Variants in CAMSAP1 observed in about 807,000 individuals in gnomAD.
CAMSAP1 encodes the protein calmodulin regulated spectrin associated protein 1.
CAMSAP1 carries 58 observed loss-of-function variants against 143.5 expected under a neutral mutation model. The observed-to-expected ratio is 0.40, with a 90% CI of 0.33 to 0.50. CAMSAP1 has a LOEUF of 0.50. CAMSAP1 is among the 20% of genes least tolerant of loss of function. The pLI, the probability that CAMSAP1 is intolerant of heterozygous loss-of-function variation, is 0.45. For synonymous variants in CAMSAP1, 945 were observed against 859.3 expected, an observed-to-expected ratio of 1.10 and a Z score of -1.74; for missense variants, 1,969 against 2,115.7, an observed-to-expected ratio of 0.93 and a Z score of 1.36.
chr9:135,821,496 G>C lies in CAMSAP1; in HGVS notation c.3165C>G (p.Val1055=). 6.2e-7 allele frequency: 1 copy of C among 1,614,056 alleles called. No homozygotes were observed. Among genetic ancestry groups the C allele is most frequent in the Non-Finnish European group, 8.5e-7 (1 of 1,179,892 alleles). ...AGTTATTCTTAGAGCCTGGCACTGG[G>C]ACTGTGGGGGACTTCATCAGAAGCT... ...QEQLLMKSPT[V]PVPGSKNNSQ... The change falls in exon 11 of 17, where the codon GTC becomes GTG. Residue 1055 remains valine (V), a synonymous_variant. Coordinates refer to ENST00000389532, the MANE Select transcript of CAMSAP1 (RefSeq NM_015447.4). The surrounding 1 kb of genome is among the most constrained non-coding windows in gnomAD (Gnocchi z 4.6).
At position 135,822,776 on chromosome 9, in the gene CAMSAP1, T is replaced by G; in HGVS notation, c.1885A>C (p.Ser629Arg). 1 of 1,613,838 alleles carries G rather than the reference T, an allele frequency of 6.2e-7. No individual in the cohort carries two copies. Among genetic ancestry groups the G allele is most frequent in the Middle Eastern group, 1.6e-4 (1 of 6,062 alleles). Residue 629 changes from serine to arginine, a missense_variant, in exon 11 of 17, where the codon AGC (serine) becomes CGC (arginine). Coordinates refer to ENST00000389532, the MANE Select transcript of CAMSAP1 (RefSeq NM_015447.4). The surrounding 1 kb of genome is among the most constrained non-coding windows in gnomAD (Gnocchi z 6.1). ...RPRSIVSRRPSEGPQPLVRRK... is the reference protein window; with the variant it reads ...RPRSIVSRRPREGPQPLVRRK... ...CGTACCAAAGGCTGGGGGCCCTCGC[T>G]GGGCCTCCTAGACACGATGCTCCTC...
chr9:135,830,708 A>G (rs963364256), intron 7 of CAMSAP1, among the ~76,000 whole-genome samples: 6 of 152,234 alleles, frequency 3.9e-5, no homozygotes, highest in African/African-American at 1.4e-4. Context: ...ACAGAGACAT[A>G]TACACACTTT....
intron 14 of CAMSAP1, 44 bp from the exon 15 acceptor site, chr9:135,816,049 C>T: frequency 1.9e-6 from 3 of 1,572,374 alleles, no homozygotes; most frequent in South Asian, 2.2e-5. Context: ...GAAGCGCTGG[C>T]TTCCTCTCAC....
At chr9:135,851,755 G>A (rs1045157977) in intron 5 of CAMSAP1, among the ~76,000 whole-genome samples, 4 of 152,200 alleles carry the variant, frequency 2.6e-5, no homozygotes, top group African/African-American at 4.8e-5. Context: ...ATGTTGATAC[G>A]GAGAGATTTC....
intron 7 of CAMSAP1, among the ~76,000 whole-genome samples, chr9:135,843,365 A>T (rs536007298): frequency 6.6e-6 from 1 of 152,318 alleles, no homozygotes; most frequent in African/African-American, 2.4e-5. Context: ...CAAATTGGAT[A>T]AAGAGTCAAG....
chr9:135,820,111 C>T lies in CAMSAP1; in HGVS notation c.3822+728G>A, dbSNP rs1835391099. Among the ~76,000 whole-genome samples, 5 of 152,166 alleles carry T rather than the reference C, an allele frequency of 3.3e-5. No individual in the cohort carries two copies. The South Asian group carries it at 1.0e-3, about 32-fold the overall frequency. On this transcript the variant is annotated intron_variant, in intron 11 of 16. Coordinates refer to ENST00000389532, the MANE Select transcript of CAMSAP1 (RefSeq NM_015447.4). The surrounding 1 kb of genome is among the most constrained non-coding windows in gnomAD (Gnocchi z 4.4). ...TGTGCGCACACCTGGATGGCAGCGC[C>T]CCCCACAGGCCTCGGCTACATCAGC...
intron 8 of CAMSAP1, 60 bp downstream of exon 8, chr9:135,827,347 C>G: frequency 1.4e-6 from 2 of 1,382,518 alleles, no homozygotes; most frequent in Non-Finnish European, 1.9e-6. Flanking sequence ...ATATTTTAAA[C>G]TAACACAAAA....
chr9:135,832,677 G>A (rs949418430), intron 7 of CAMSAP1, among the ~76,000 whole-genome samples: 21 of 152,032 alleles, frequency 1.4e-4, no homozygotes, highest in Non-Finnish European at 2.5e-4. Context: ...ACTAATCAAC[G>A]AATTCAGTCA....
At position 135,848,582 on chromosome 9, in the gene CAMSAP1, A is replaced by T. The variant is rs540835567; in HGVS notation, c.1045+1555T>A. Among the ~76,000 whole-genome samples the T allele has an allele frequency of 1.1e-4, 16 of 152,120 alleles. No individual in the cohort carries two copies. The East Asian group carries it at 3.1e-3, about 29-fold the overall frequency. The stretch of plus-strand genomic sequence containing the variant: ...ACACACCCCCTGGAAAACACAGTGG[A>T]GCTCTGCCTGCTCTCCAGCCTGTCC... On this transcript the variant is annotated intron_variant, in intron 7 of 16. Transcript: ENST00000389532.
In CAMSAP1 at chr9:135,818,250, C is replaced by A. The variant is rs1055956411; in HGVS notation, c.4168+158G>T. 4 of 1,092,634 alleles carry A rather than the reference C, an allele frequency of 3.7e-6. No individual in the cohort carries two copies. The highest frequency in any genetic ancestry group is 2.6e-6 in the Non-Finnish European group (2 of 769,626). 67.7% of individuals were successfully genotyped at this position (1,092,634 alleles called of 1,614,324 possible). The stretch of plus-strand genomic sequence containing the variant: ...CCTGGATGTGCCGCACATCTCAGAG[C>A]ATCTGGTCTCAACATTGTCATCCAT... On this transcript the variant is annotated intron_variant, in intron 13 of 16. Transcript: ENST00000389532. The surrounding 1 kb of genome is among the most constrained non-coding windows in gnomAD (Gnocchi z 7.7).
intron 5 of CAMSAP1, among the ~76,000 whole-genome samples, chr9:135,858,154 CTT>C (rs34496524): frequency 8.5e-4 from 120 of 141,438 alleles, no homozygotes; most frequent in Non-Finnish European, 8.6e-4. Flanking sequence ...TCCACTTTGC[CTT>C]TTTTTTTTTT....
chr9:135,862,959 G>A (rs1292552885), intron 4 of CAMSAP1, among the ~76,000 whole-genome samples: 2 of 152,132 alleles, frequency 1.3e-5, no homozygotes, highest in African/African-American at 4.8e-5. Context: ...GAAAGCCGAC[G>A]TACTAGACAC....
In CAMSAP1 at chr9:135,865,786, A is replaced by T. The variant is rs1208749464; in HGVS notation, c.666+670T>A. ...GCCTGACTCACCCACCCACCCAGCT[A>T]ACAAATGCATGGCCAGGGGCTGGTG... On this transcript the variant is annotated intron_variant, in intron 4 of 16. Coordinates refer to ENST00000389532, the MANE Select transcript of CAMSAP1 (RefSeq NM_015447.4). Among the ~76,000 whole-genome samples the T allele has an allele frequency of 3.3e-5, 5 of 152,272 alleles. 1 individual carries two copies. In the South Asian group the frequency reaches 1.0e-3, roughly 32 times the overall value.
rs780330504 is a variant in CAMSAP1, at chr9:135,824,056, T to C, written c.1316-22A>G. 29 of 1,551,350 alleles carry C rather than the reference T, an allele frequency of 1.9e-5. No individual in the cohort carries two copies. Among genetic ancestry groups the C allele is most frequent in the African/African-American group, 6.8e-5 (5 of 73,434 alleles). ...TGATCTGCAGTACAGAGGAATTAGA[T>C]AGTGTTAAGTAACCAATTTTCTATC... On this transcript the variant is annotated intron_variant, in intron 9 of 16. Coordinates refer to ENST00000389532, the MANE Select transcript of CAMSAP1 (RefSeq NM_015447.4). This position sits in a 1 kb window ranked among gnomAD's most constrained non-coding sequence, Gnocchi z 4.1.
chr9:135,824,099 TATGACC>T lies in CAMSAP1; in HGVS notation c.1316-71_1316-66del. ...TTTCTATCACTTGAAATTCTTTCAA[TATGACC>T]ATTTGTCCAGAAAAATGCCTCTCAA... On this transcript the variant is annotated intron_variant, in intron 9 of 16. Coordinates refer to ENST00000389532, the MANE Select transcript of CAMSAP1 (RefSeq NM_015447.4). The surrounding 1 kb of genome is among the most constrained non-coding windows in gnomAD (Gnocchi z 4.1). 7.1e-7 allele frequency: 1 copy of T among 1,401,996 alleles called. No individual in the cohort carries two copies. Among genetic ancestry groups the T allele is most frequent in the Non-Finnish European group, 9.9e-7 (1 of 1,011,194 alleles). The allele number at this position is 1,401,996 out of a possible 1,614,324, so 86.8% of individuals were successfully genotyped here. A position where few individuals can be genotyped will look rare whatever the true frequency, so the allele number is the denominator to read the frequency against.
intron 1 of CAMSAP1, among the ~76,000 whole-genome samples, chr9:135,900,859 A>T (rs1838597846): frequency 1.3e-5 from 2 of 151,970 alleles, no homozygotes. Flanking sequence ...GGTTTAAGCG[A>T]TTCGTCTGCC....
At position 135,808,542 on chromosome 9, in the gene CAMSAP1, C is replaced by T. The variant is rs139593088; in HGVS notation, c.*2767G>A. On this transcript the variant is annotated 3_prime_UTR_variant, in exon 17 of 17. Transcript: ENST00000389532. ...AAATATTTTGCCCTCCAAGTGACAACTACAATTTCAGGGAGGTAAAAGTAT... is the reference window on the plus strand; with the variant it reads ...AAATATTTTGCCCTCCAAGTGACAATTACAATTTCAGGGAGGTAAAAGTAT... 1.3e-5 allele frequency: 2 copies of T among 152,322 alleles called. No individual in the cohort carries two copies. The highest frequency in any genetic ancestry group is 4.1e-4 in the South Asian group (2 of 4,822). The allele number at this position is 152,322 out of a possible 1,614,324, so 9.4% of individuals were successfully genotyped here.
In CAMSAP1 at chr9:135,818,501, C is replaced by T. The variant is rs145211136; in HGVS notation, c.4075G>A (p.Gly1359Ser). Reference sequence around the variant, plus strand: ...TTCTTCGGCTTTGACTTGGGCTTGCCGAGCCCCTGCTCCTCTAGGATCTGC... The same window carrying T: ...TTCTTCGGCTTTGACTTGGGCTTGCTGAGCCCCTGCTCCTCTAGGATCTGC... ...QQQILEEQGL[G>S]KPKSKPKKPR... The change falls in exon 13 of 17, where the codon GGC (glycine) becomes AGC (serine). Residue 1359 changes from glycine to serine, a missense_variant. Gly to Ser is a moderately conservative substitution (Grantham distance 56, BLOSUM62 0). Around this residue, in one of 4 missense-constraint regions of CAMSAP1, gnomAD observed 1,390 missense variants for 1,420.8 expected, o/e 0.98. Transcript: ENST00000389532. This position sits in a 1 kb window ranked among gnomAD's most constrained non-coding sequence, Gnocchi z 7.7. The T allele has an allele frequency of 1.4e-3, 2,238 of 1,610,780 alleles. 34 individuals are homozygous for T. Among genetic ancestry groups the T allele is most frequent in the Non-Finnish European group, 3.5e-4 (408 of 1,179,696 alleles).
At chr9:135,814,424 C>A (rs768631875) in intron 16 of CAMSAP1, among the ~76,000 whole-genome samples, 5 of 152,210 alleles carry the variant, frequency 3.3e-5, no homozygotes, top group Non-Finnish European at 7.3e-5. Flanking sequence ...AGGCCACACA[C>A]CAGCCTCAAT....
Sources: allele counts gnomAD v4.1 joint callset (sites outside exome capture counted in the v4.1 genomes callset), GRCh38; gene constraint gnomAD v4.1.1; regional missense constraint gnomAD v4.1.1; non-coding constraint Gnocchi (gnomAD v3.1); transcripts MANE v1.5; gene names NCBI Gene and HGNC (gene_info 2026-07-23, HGNC 2026-07-21).